CDIPT: variants seen among roughly 807,000 people sequenced by gnomAD.
The protein encoded by CDIPT is CDP-diacylglycerol--inositol 3-phosphatidyltransferase.
Under a neutral mutation model 21.6 loss-of-function variants are expected in CDIPT, and 17 were observed. The ratio of observed to expected loss-of-function variants is 0.79; its 90% CI spans 0.54 to 1.18. The LOEUF is 1.18. Ranked by LOEUF, CDIPT falls within the 50% of genes most tolerant of loss-of-function variation. The pLI, the probability that CDIPT is intolerant of heterozygous loss-of-function variation, is 0.00. For missense variants in CDIPT, 254 were observed against 284.9 expected (o/e 0.89, Z 0.78); for synonymous variants, 119 against 117.9 (o/e 1.01, Z -0.06).
chr16:29,859,109 C>A lies in CDIPT; in HGVS notation c.*80G>T. ...CATGAGGAAGGCGTGAGACTGGGAC[C>A]TCCTAGCAGGGGGTGGGGAGCTGTG... On this transcript the variant is annotated 3_prime_UTR_variant, in exon 6 of 6. Transcript: ENST00000219789. The surrounding 1 kb of genome is among the most constrained non-coding windows in gnomAD (Gnocchi z 4.5). The A allele has an allele frequency of 6.8e-7, 1 of 1,465,026 alleles. No homozygotes were observed. Among genetic ancestry groups the A allele is most frequent in the Non-Finnish European group, 9.2e-7 (1 of 1,084,028 alleles). The allele number at this position is 1,465,026 out of a possible 1,614,324, so 90.8% of individuals were successfully genotyped here.
rs2067661026 is a variant in CDIPT, at chr16:29,859,375, G to A, written c.497-41C>T. ...AGGGGAGTTTGGGGCCCGAAGGAGGGGGCCTCCATCTCCCTGGGCAGGCCA... is the reference window on the plus strand; with the variant it reads ...AGGGGAGTTTGGGGCCCGAAGGAGGAGGCCTCCATCTCCCTGGGCAGGCCA... On this transcript the variant is annotated intron_variant, in intron 5 of 5. Transcript: ENST00000219789. The surrounding 1 kb of genome is among the most constrained non-coding windows in gnomAD (Gnocchi z 4.5). The A allele has an allele frequency of 6.3e-7, 1 of 1,583,078 alleles. No homozygotes were observed. The highest frequency in any genetic ancestry group is 8.6e-7 in the Non-Finnish European group (1 of 1,163,634).
At chr16:29,860,890 C>T in intron 3 of CDIPT, 2 of 619,560 alleles carry the variant, frequency 3.2e-6, no homozygotes, top group South Asian at 2.0e-5. Flanking sequence ...TCCTAGAATA[C>T]CCAGCCAGAA....
At position 29,859,843 on chromosome 16, in the gene CDIPT, A is replaced by G. The variant is rs1258967000; in HGVS notation, c.415-320T>C. Among the ~76,000 whole-genome samples the G allele has an allele frequency of 6.6e-6, 1 of 151,756 alleles. No individual in the cohort carries two copies. The highest frequency in any genetic ancestry group is 1.5e-5 in the Non-Finnish European group (1 of 67,974). ...CAACGTGGCGAAACCCCTCTCTACT[A>G]ACAATACAAAAATTAGCCGAGTGTG... is the stretch of plus-strand genomic sequence containing the variant. On this transcript the variant is annotated intron_variant, in intron 4 of 5. Transcript: ENST00000219789. This position sits in a 1 kb window ranked among gnomAD's most constrained non-coding sequence, Gnocchi z 4.5.
At position 29,861,087 on chromosome 16, in the gene CDIPT, C is replaced by T. The variant is rs773146665; in HGVS notation, c.332+19G>A. 1.2e-6 allele frequency: 2 copies of T among 1,613,884 alleles called. No individual in the cohort carries two copies. Among genetic ancestry groups the T allele is most frequent in the South Asian group, 2.2e-5 (2 of 91,074 alleles). On this transcript the variant is annotated intron_variant, in intron 3 of 5. Transcript: ENST00000219789. ...TGTAATGTCTCCAAGTGGCCCAGGC[C>T]CCCAGAATCGCAGCAGACCTGTGGA...
chr16:29,861,148 CT>C lies in CDIPT; in HGVS notation c.289del (p.Ser97AlafsTer2). 6.2e-7 allele frequency: 1 copy of C among 1,614,148 alleles called. No homozygotes were observed. The highest frequency in any genetic ancestry group is 1.1e-5 in the South Asian group (1 of 91,082). ...GTGACTGGCCACATCCAAACTCATGCTGATTTGGAAGAACAGCGTGGCTCCA... is the reference window on the plus strand; with the variant it reads ...GTGACTGGCCACATCCAAACTCATGCGATTTGGAAGAACAGCGTGGCTCCA... Reference protein sequence around the residue: ...YPGATLFFQISMSLDVASHWL... With the variant: ...YPGATLFFQIXMSLDVASHWL... On this transcript the variant is annotated frameshift_variant, in exon 3 of 6. Transcript: ENST00000219789. LOFTEE classifies it high-confidence loss of function.
In CDIPT at chr16:29,859,454, C is replaced by A; in HGVS notation, c.484G>T (p.Glu162Ter). ...CCTCATCTCCTACCTAAAGGTCCCT[C>A]AGAGAAATGGAACAGGTAGAGGAGG... ...YCLLYLFHFS[E>*]GPLVGSVGLF... The change falls in exon 5 of 6, where the codon GAG becomes TAG. Residue 162 changes from glutamate to a stop codon, truncating the protein, a stop_gained. Coordinates refer to ENST00000219789, the MANE Select transcript of CDIPT (RefSeq NM_006319.5). LOFTEE classifies it high-confidence loss of function. The surrounding 1 kb of genome is among the most constrained non-coding windows in gnomAD (Gnocchi z 4.5). 1 of 1,612,996 alleles carries A rather than the reference C, an allele frequency of 6.2e-7. No individual in the cohort carries two copies. The highest frequency in any genetic ancestry group is 8.5e-7 in the Non-Finnish European group (1 of 1,179,262).
chr16:29,861,493 C>A, intron 2 of CDIPT: 1 of 1,535,588 alleles, frequency 6.5e-7, no homozygotes, highest in Non-Finnish European at 8.7e-7. Context: ...GAGAGGAAAG[C>A]TATGTCTGCA....
rs775792034 is a variant in CDIPT at position 29,859,200 on chromosome 16, T to G, written c.631A>C (p.Lys211Gln). The G allele has an allele frequency of 8.1e-6, 13 of 1,595,980 alleles. No homozygotes were observed. The highest frequency in any genetic ancestry group is 1.0e-5 in the Non-Finnish European group (12 of 1,172,634). ...MAALDAADRA[K>Q]KK ...CCGGGGCTCCAGCGTCACTTCTTCT[T>G]GGCGCGGTCTGCTGCGTCCAGGGCA... Residue 211 changes from lysine (K) to glutamine (Q), a missense_variant, in exon 6 of 6, where the codon AAG becomes CAG. By Grantham distance (53) the Lys-to-Gln change is moderately conservative (BLOSUM62 1). Transcript: ENST00000219789. The surrounding 1 kb of genome is among the most constrained non-coding windows in gnomAD (Gnocchi z 4.5).
Position 29,862,776 on chromosome 16 carries a change from C to G in CDIPT, c.43+39G>C. The G allele has an allele frequency of 1.2e-6, 2 of 1,613,800 alleles. No homozygotes were observed. The highest frequency in any genetic ancestry group is 1.7e-6 in the Non-Finnish European group (2 of 1,179,856). On this transcript the variant is annotated intron_variant, in intron 1 of 5. Transcript: ENST00000219789. The surrounding 1 kb of genome is among the most constrained non-coding windows in gnomAD (Gnocchi z 6.7). The stretch of plus-strand genomic sequence containing the variant: ...GATCAGGGAGCCCGCCAAGGCCCCT[C>G]GCCCTCTCGTTCGGCCCGGGGCCGT...
intron 3 of CDIPT, 83 bp from the exon 4 acceptor site, chr16:29,860,745 A>T: frequency 1.2e-6 from 1 of 822,020 alleles, no homozygotes. Flanking sequence ...TATTGTACAG[A>T]TGGAAAACTG....
In CDIPT at chr16:29,863,186, G is replaced by T. The variant is rs986639500; in HGVS notation, c.-329C>A. On this transcript the variant is annotated 5_prime_UTR_variant, in exon 1 of 6. Coordinates refer to ENST00000219789, the MANE Select transcript of CDIPT (RefSeq NM_006319.5). ...GTGGCTTCCGGGAACCTCCTCCTCC[G>T]CGCCCGTCGTTGCAAAATTGGAGAG... The T allele has an allele frequency of 7.4e-6, 3 of 404,008 alleles. No individual in the cohort carries two copies. Among genetic ancestry groups the T allele is most frequent in the Admixed American group, 4.9e-5 (1 of 20,390 alleles). 25.0% of individuals were successfully genotyped at this position (404,008 alleles called of 1,614,324 possible).
intron 2 of CDIPT, chr16:29,861,731 G>GT (rs766807059): frequency 3.8e-6 from 2 of 532,978 alleles, no homozygotes; most frequent in Admixed American, 3.3e-5. Flanking sequence ...ACTGTTTTTT[G>GT]TTTTTTGTTT....
chr16:29,861,020 G>T, intron 3 of CDIPT, 86 bp downstream of exon 3: 1 of 1,393,282 alleles, frequency 7.2e-7, no homozygotes, highest in Non-Finnish European at 1.0e-6. Context: ...GATGCCTAGT[G>T]CCATCCCAGA....
chr16:29,858,930 T>C lies in CDIPT; in HGVS notation c.*259A>G, dbSNP rs1165572374. The C allele has an allele frequency of 1.9e-6, 1 of 528,724 alleles. No homozygotes were observed. The highest frequency in any genetic ancestry group is 2.1e-5 in the South Asian group (1 of 47,624). The allele number at this position is 528,724 out of a possible 1,614,324, so 32.8% of individuals were successfully genotyped here. On this transcript the variant is annotated 3_prime_UTR_variant, in exon 6 of 6. Coordinates refer to ENST00000219789, the MANE Select transcript of CDIPT (RefSeq NM_006319.5). ...ACCCCAGGACTGAGCAGGCAGGGTGTGACACTGCCCGGTCCCGGCACCCCA... is the reference window on the plus strand; with the variant it reads ...ACCCCAGGACTGAGCAGGCAGGGTGCGACACTGCCCGGTCCCGGCACCCCA...
rs576519908 is a variant in CDIPT at position 29,859,605 on chromosome 16, A to G, written c.415-82T>C. On this transcript the variant is annotated intron_variant, in intron 4 of 5. Transcript: ENST00000219789. The surrounding 1 kb of genome is among the most constrained non-coding windows in gnomAD (Gnocchi z 4.5). Reference sequence around the variant, plus strand: ...CCCCCCCAGCACTAATGAAGGCACAATCTCGGCATATTACTTCTCTTATTT... The same window carrying G: ...CCCCCCCAGCACTAATGAAGGCACAGTCTCGGCATATTACTTCTCTTATTT... 2 of 836,954 alleles carry G rather than the reference A, an allele frequency of 2.4e-6. No individual in the cohort carries two copies. Among genetic ancestry groups the G allele is most frequent in the South Asian group, 2.9e-5 (2 of 69,038 alleles). 51.8% of individuals were successfully genotyped at this position (836,954 alleles called of 1,614,324 possible).
At chr16:29,861,001 C>T (rs758521757) in intron 3 of CDIPT, 105 bp downstream of exon 3, 26 of 1,117,832 alleles carry the variant, frequency 2.3e-5, no homozygotes, top group Non-Finnish European at 3.0e-5. Flanking sequence ...TAAAAAGGAG[C>T]CCTTCCAGGA....
Position 29,859,356 on chromosome 16 carries a change from G to A in CDIPT, c.497-22C>T. Reference sequence around the variant, plus strand: ...CCAACTGCAGGAAGGCAGCAGGGGAGTTTGGGGCCCGAAGGAGGGGGCCTC... The same window carrying A: ...CCAACTGCAGGAAGGCAGCAGGGGAATTTGGGGCCCGAAGGAGGGGGCCTC... On this transcript the variant is annotated intron_variant, in intron 5 of 5. Coordinates refer to ENST00000219789, the MANE Select transcript of CDIPT (RefSeq NM_006319.5). The surrounding 1 kb of genome is among the most constrained non-coding windows in gnomAD (Gnocchi z 4.5). The A allele has an allele frequency of 6.4e-7, 1 of 1,570,630 alleles. No individual in the cohort carries two copies. Among genetic ancestry groups the A allele is most frequent in the Non-Finnish European group, 8.6e-7 (1 of 1,157,210 alleles).
At chr16:29,861,560 G>T in intron 2 of CDIPT, 8 of 1,480,806 alleles carry the variant, frequency 5.4e-6, no homozygotes, top group Non-Finnish European at 6.4e-6. Flanking sequence ...ATGCCTCAGG[G>T]GAAGCCTTAC....
chr16:29,860,957 C>A, intron 3 of CDIPT, 149 bp downstream of exon 3: 1 of 708,214 alleles, frequency 1.4e-6, no homozygotes, highest in Non-Finnish European at 2.4e-6. Context: ...TAAAGAGAGG[C>A]AGGTTTGCCT....
Sources: gnomAD v4.1 joint callset for allele counts (sites outside exome capture counted in the v4.1 genomes callset) on GRCh38, gnomAD v4.1.1 for gene constraint, Gnocchi (gnomAD v3.1) non-coding constraint, MANE v1.5 for transcripts, NCBI Gene and HGNC (gene_info 2026-07-23, HGNC 2026-07-21) for gene names.